Variants in ZNF212 observed in about 807,000 individuals in gnomAD.
The protein encoded by ZNF212 is zinc finger protein 212.
A neutral mutation model predicts 47.3 loss-of-function variants in ZNF212; 32 were observed. The ratio of observed to expected loss-of-function variants is 0.68; its 90% CI spans 0.51 to 0.91. The LOEUF is 0.91. Among genes scored for constraint, ZNF212 ranks in the 40% least tolerant of loss-of-function variants. The pLI, the probability that ZNF212 is intolerant of heterozygous loss-of-function variation, is 0.00. For synonymous variants in ZNF212, 242 were observed against 253.8 expected (o/e 0.95, Z 0.44); for missense variants, 555 against 622.8 (o/e 0.89, Z 1.16).
chr7:149,245,945 G>A (rs894363315), intron 1 of ZNF212, among the ~76,000 whole-genome samples: 15 of 152,176 alleles, frequency 9.9e-5, no homozygotes, highest in African/African-American at 3.4e-4. Context: ...AGTCAGCTCT[G>A]AATGTTATTC....
intron 3 of ZNF212, among the ~76,000 whole-genome samples, chr7:149,251,597 C>G (rs1234680511): frequency 1.4e-5 from 2 of 147,648 alleles, no homozygotes; most frequent in Non-Finnish European, 3.0e-5. Flanking sequence ...AAATGATTCT[C>G]CCACCTCAGT....
rs773821329 is a variant in ZNF212, at chr7:149,250,574, A to T, written c.414+26A>T. On this transcript the variant is annotated intron_variant, in intron 2 of 4. Transcript: ENST00000335870. ...GTAGTCTCATTGAGGATTAAAAGTT[A>T]GAAGAGAAGGGGGAGCCAGCCCTTT... is the stretch of plus-strand genomic sequence containing the variant. 7 of 1,604,244 alleles carry T rather than the reference A, an allele frequency of 4.4e-6. No individual in the cohort carries two copies. In the Admixed American group the frequency reaches 8.5e-5, roughly 20 times the overall value.
At chr7:149,247,638 T>C (rs1796696473) in intron 1 of ZNF212, among the ~76,000 whole-genome samples, 1 of 152,158 alleles carries the variant, frequency 6.6e-6, no homozygotes, top group South Asian at 2.1e-4. Context: ...ACTGGGAAGC[T>C]TAAATAACAG....
Position 149,250,483 on chromosome 7 carries a change from C to A in ZNF212, c.349C>A (p.Leu117Met), listed in dbSNP as rs768853564. ...LQRRLENVENLLRNRNFWILR... is the reference protein window; with the variant it reads ...LQRRLENVENMLRNRNFWILR... ...GAGGCGGCTGGAGAACGTGGAGAAC[C>A]TGCTGCGCAACAGGAACTTCTGGAT... Residue 117 changes from leucine (L) to methionine (M), a missense_variant, in exon 2 of 5, where the codon CTG (leucine) becomes ATG (methionine). Coordinates refer to ENST00000335870, the MANE Select transcript of ZNF212 (RefSeq NM_012256.4). 40 of 1,613,974 alleles carry A rather than the reference C, an allele frequency of 2.5e-5. No individual in the cohort carries two copies. In the South Asian group the frequency reaches 4.4e-4, roughly 18 times the overall value.
At chr7:149,249,052 G>A (rs998102228) in intron 1 of ZNF212, among the ~76,000 whole-genome samples, 1 of 152,192 alleles carries the variant, frequency 6.6e-6, no homozygotes, top group Admixed American at 6.5e-5. Flanking sequence ...ATAAAGTGAA[G>A]TTTGCAGAGG....
rs190862354 is a variant in ZNF212, at chr7:149,250,056, A to C, written c.25-103A>C. On this transcript the variant is annotated intron_variant, in intron 1 of 4. Transcript: ENST00000335870. ...ATCAATAAAAGACATGCTTTTTTTT[A>C]ATTAAAAGAAACTAGATAACTCTGA... 415 of 1,158,210 alleles carry C rather than the reference A, an allele frequency of 3.6e-4. 1 individual carries two copies. The highest frequency in any genetic ancestry group is 2.0e-3 in the Middle Eastern group (8 of 3,962). 71.7% of individuals were successfully genotyped at this position (1,158,210 alleles called of 1,614,324 possible). A position where few individuals can be genotyped will look rare whatever the true frequency, so the allele number is the denominator to read the frequency against.
Position 149,254,235 on chromosome 7 carries a change from C to T in ZNF212, c.1308C>T (p.Phe436=), listed in dbSNP as rs755394570. The T allele has an allele frequency of 4.3e-6, 7 of 1,614,256 alleles. No individual in the cohort carries two copies. In the South Asian group the frequency reaches 6.6e-5, roughly 15 times the overall value. ...TCTGTGGTTACTGTGGCAAGAGCTT[C>T]AGTCACCCATCTGACTTGGTGCGGC... is the stretch of plus-strand genomic sequence containing the variant. ...SLICGYCGKS[F]SHPSDLVRHQ... is the part of the protein sequence containing the mutation. The change falls in exon 5 of 5, where the codon TTC becomes TTT. Residue 436 remains phenylalanine (F), a synonymous_variant. Coordinates refer to ENST00000335870, the MANE Select transcript of ZNF212 (RefSeq NM_012256.4). The surrounding 1 kb of genome is among the most constrained non-coding windows in gnomAD (Gnocchi z 4.5).
In ZNF212 at chr7:149,242,171, G is replaced by A. The variant is rs149394472; in HGVS notation, c.24+2369G>A. ...GGAGTAGCTGGGATTACAGGCATGC[G>A]TCACCATGCCTGGCTAATTTTGTAT... On this transcript the variant is annotated intron_variant, in intron 1 of 4. Transcript: ENST00000335870. Among the ~76,000 whole-genome samples the A allele has an allele frequency of 6.5e-3, 980 of 151,562 alleles. 10 individuals are homozygous for A. Among genetic ancestry groups the A allele is most frequent in the African/African-American group, 0.02 (821 of 41,344 alleles).
intron 1 of ZNF212, among the ~76,000 whole-genome samples, chr7:149,243,433 C>CAAAAAAAAA (rs869068988): frequency 8.9e-5 from 5 of 56,020 alleles, no homozygotes; most frequent in African/African-American, 2.0e-4. Flanking sequence ...GACTCCGTCT[C>CAAAAAAAAA]AAAAAAAAAA....
At chr7:149,246,881 C>T (rs1278575293) in intron 1 of ZNF212, among the ~76,000 whole-genome samples, 14 of 131,896 alleles carry the variant, frequency 1.1e-4, no homozygotes, top group Admixed American at 7.0e-4. Context: ...GGTGTGATCT[C>T]GGTTCACCGC....
chr7:149,249,542 C>G (rs114818551), intron 1 of ZNF212, among the ~76,000 whole-genome samples: 1 of 151,946 alleles, frequency 6.6e-6, no homozygotes, highest in Non-Finnish European at 1.5e-5. Context: ...AGAACATACA[C>G]GCTATAATTT....
At chr7:149,240,380 T>TCACCCCCCCCCCCC (rs1796569900) in intron 1 of ZNF212, among the ~76,000 whole-genome samples, 1 of 124,742 alleles carries the variant, frequency 8.0e-6, no homozygotes, top group Non-Finnish European at 1.8e-5. Flanking sequence ...ACTCTCTCCT[T>TCACCCCCCCCCCCC]CACCCCCCCC....
chr7:149,248,107 T>C lies in ZNF212; in HGVS notation c.25-2052T>C, dbSNP rs534853105. On this transcript the variant is annotated intron_variant, in intron 1 of 4. Coordinates refer to ENST00000335870, the MANE Select transcript of ZNF212 (RefSeq NM_012256.4). ...GACAGCTCACCCCTGTGGGAGCGCATTAATTTATTTATGAGGGATATGCCC... is the reference window on the plus strand; with the variant it reads ...GACAGCTCACCCCTGTGGGAGCGCACTAATTTATTTATGAGGGATATGCCC... Among the ~76,000 whole-genome samples the C allele has an allele frequency of 3.9e-5, 6 of 152,304 alleles. No homozygotes were observed. In the South Asian group the frequency reaches 1.2e-3, roughly 32 times the overall value.
At chr7:149,248,202 T>C (rs543391103) in intron 1 of ZNF212, among the ~76,000 whole-genome samples, 1 of 152,320 alleles carries the variant, frequency 6.6e-6, no homozygotes, top group East Asian at 1.9e-4. Context: ...AATTTCAACA[T>C]GGGTTTTGGT....
intron 4 of ZNF212, among the ~76,000 whole-genome samples, chr7:149,253,235 CTTAAT>C (rs1273463912): frequency 6.6e-6 from 1 of 152,102 alleles, no homozygotes; most frequent in Non-Finnish European, 1.5e-5. Flanking sequence ...TTTTAACACT[CTTAAT>C]TGAGTATAGT....
chr7:149,241,540 C>T (rs1183734576), intron 1 of ZNF212, among the ~76,000 whole-genome samples: 2 of 151,774 alleles, frequency 1.3e-5, no homozygotes, highest in East Asian at 1.9e-4. Context: ...TGTTTCTCTT[C>T]TCAGACATTT....
In ZNF212 at chr7:149,250,428, G is replaced by T. The variant is rs948696675; in HGVS notation, c.294G>T (p.Gly98=). 1.9e-6 allele frequency: 3 copies of T among 1,614,062 alleles called. No individual in the cohort carries two copies. The highest frequency in any genetic ancestry group is 1.7e-6 in the Non-Finnish European group (2 of 1,180,048). Residue 98 remains glycine, a synonymous_variant, in exon 2 of 5, where the codon GGG becomes GGT. Transcript: ENST00000335870. ...NQLEGKWAVL[G]TLLQEYGLLQ... ...TGGAGGGCAAGTGGGCCGTGCTGGG[G>T]ACCCTGCTGCAGGAGTATGGGCTAC...
intron 3 of ZNF212, 62 bp from the exon 4 acceptor site, chr7:149,252,644 T>A: frequency 6.7e-7 from 1 of 1,497,136 alleles, no homozygotes; most frequent in Non-Finnish European, 9.3e-7. Context: ...CACTGGCAGC[T>A]GATCAGTGTG....
intron 1 of ZNF212, among the ~76,000 whole-genome samples, chr7:149,244,554 C>T (rs569281948): frequency 5.3e-5 from 8 of 152,268 alleles, no homozygotes; most frequent in East Asian, 3.9e-4. Context: ...ACCTCATGAT[C>T]CGCCCACCTT....
Sources: allele counts gnomAD v4.1 joint callset (sites outside exome capture counted in the v4.1 genomes callset), GRCh38; gene constraint gnomAD v4.1.1; non-coding constraint Gnocchi (gnomAD v3.1); transcripts MANE v1.5; gene names NCBI Gene and HGNC (gene_info 2026-07-23, HGNC 2026-07-21).